The following RPS3A variants were observed in gnomAD, a reference collection of about 807,000 sequenced individuals.
RPS3A encodes the protein small ribosomal subunit protein eS1.
In RPS3A, 1 loss-of-function variant was observed where a neutral mutation model predicts 26.4. That is an observed-to-expected ratio of 0.04 (90% CI 0.01 to 0.18). RPS3A has a LOEUF of 0.18. RPS3A is among the 10% of genes least tolerant of loss of function. The pLI is 1.00. For missense variants in RPS3A, 139 were observed against 326.8 expected, an observed-to-expected ratio of 0.43 and a Z score of 4.43; for synonymous variants, 97 against 106.1, an observed-to-expected ratio of 0.91 and a Z score of 0.53.
intron 4 of RPS3A, 136 bp downstream of exon 4, chr4:151,103,215 G>C (rs1747209167): frequency 1.4e-6 from 2 of 1,389,660 alleles, no homozygotes; most frequent in Middle Eastern, 2.1e-4. Context: ...ATCTCTTTAA[G>C]TGAAAGAGTG....
At chr4:151,103,291 C>G in intron 4 of RPS3A, 1 of 999,188 alleles carries the variant, frequency 1.0e-6, no homozygotes, top group Non-Finnish European at 1.3e-6. Flanking sequence ...GCTCTGTTGC[C>G]CAGGCTCGAG....
chr4:151,102,439 C>T (rs1306675949), intron 3 of RPS3A, among the ~76,000 whole-genome samples: 1 of 148,974 alleles, frequency 6.7e-6, no homozygotes, highest in Non-Finnish European at 1.5e-5. Flanking sequence ...CACCTATTTA[C>T]AACACAGTTT....
chr4:151,103,301 G>A, intron 4 of RPS3A: 1 of 872,412 alleles, frequency 1.1e-6, no homozygotes, highest in South Asian at 1.9e-5. Flanking sequence ...CCAGGCTCGA[G>A]TGCAGTATTG....
chr4:151,104,125 A>ATCT (rs1427094553), intron 4 of RPS3A, 52 bp from the exon 5 acceptor site: 40 of 1,582,066 alleles, frequency 2.5e-5, no homozygotes, highest in Non-Finnish European at 3.3e-5. Context: ...GAAATGGCTT[A>ATCT]TATCTGAGAA....
Position 151,104,166 on chromosome 4 carries a change from C to T in RPS3A, c.564-11C>T. 2 of 1,598,312 alleles carry T rather than the reference C, an allele frequency of 1.3e-6. No individual in the cohort carries two copies. Among genetic ancestry groups the T allele is most frequent in the Non-Finnish European group, 1.7e-6 (2 of 1,176,162 alleles). ...ACTTTTAGAAAAAAATTTACTGTTACTGGTTTGCAGGATTCCAGACAGCAT... is the reference window on the plus strand; with the variant it reads ...ACTTTTAGAAAAAAATTTACTGTTATTGGTTTGCAGGATTCCAGACAGCAT... On this transcript the variant is annotated splice_polypyrimidine_tract_variant and intron_variant, in intron 4 of 5. Coordinates refer to ENST00000274065, the MANE Select transcript of RPS3A (RefSeq NM_001006.5).
At chr4:151,100,940 C>T in intron 2 of RPS3A, 35 bp from the exon 3 acceptor site, 2 of 1,500,562 alleles carry the variant, frequency 1.3e-6, no homozygotes, top group Non-Finnish European at 1.8e-6. Flanking sequence ...TATATGGTTC[C>T]TAAATGTTAA....
At chr4:151,101,489 A>G (rs994287186) in intron 3 of RPS3A, among the ~76,000 whole-genome samples, 2 of 152,042 alleles carry the variant, frequency 1.3e-5, no homozygotes, top group African/African-American at 2.4e-5. Flanking sequence ...ATGTTTTTTG[A>G]CCTCAGAATT....
rs1052845593 is a variant in RPS3A at position 151,100,719 on chromosome 4, C to T, written c.166+131C>T. The T allele has an allele frequency of 6.1e-6, 4 of 660,030 alleles. No individual in the cohort carries two copies. The African/African-American group carries it at 7.3e-5, about 12-fold the overall frequency. 40.9% of individuals were successfully genotyped at this position (660,030 alleles called of 1,614,324 possible). On this transcript the variant is annotated intron_variant, in intron 2 of 5. Coordinates refer to ENST00000274065, the MANE Select transcript of RPS3A (RefSeq NM_001006.5). ...TGTCAGCTCTTGGTTGCAGCCTTGG[C>T]ACCTGTGGTGATCATTTTTAGTACA...
At chr4:151,103,515 A>G (rs1005342729) in intron 4 of RPS3A, 10 of 1,029,636 alleles carry the variant, frequency 9.7e-6, no homozygotes, top group African/African-American at 5.2e-5. Context: ...ACTCTAAATG[A>G]TAACAGTTTT....
In RPS3A at chr4:151,101,314, C is replaced by T. The variant is rs113254261; in HGVS notation, c.354+152C>T. 3.1e-5 allele frequency: 15 copies of T among 491,008 alleles called. 1 individual carries two copies. The highest frequency in any genetic ancestry group is 1.9e-4 in the South Asian group (4 of 21,372). The allele number at this position is 491,008 out of a possible 1,614,324, so 30.4% of individuals were successfully genotyped here. A position where few individuals can be genotyped will look rare whatever the true frequency, so the allele number is the denominator to read the frequency against. On this transcript the variant is annotated intron_variant, in intron 3 of 5. Coordinates refer to ENST00000274065, the MANE Select transcript of RPS3A (RefSeq NM_001006.5). The stretch of plus-strand genomic sequence containing the variant: ...TCATTTTAAATTTTTGTTTTCTTGC[C>T]GTTGTTGAGTGCTAACTCTGGGGTT...
rs774674462 is a variant in RPS3A at position 151,102,856 on chromosome 4, A to C, written c.355-15A>C. 6 of 1,607,116 alleles carry C rather than the reference A, an allele frequency of 3.7e-6. No individual in the cohort carries two copies. The highest frequency in any genetic ancestry group is 5.1e-6 in the Non-Finnish European group (6 of 1,176,616). Reference sequence around the variant, plus strand: ...CGTAAAACCTGTTAAATCTGACGGTATCTTTTTTCTCCAGACAATGATTGA... The same window carrying C: ...CGTAAAACCTGTTAAATCTGACGGTCTCTTTTTTCTCCAGACAATGATTGA... On this transcript the variant is annotated splice_polypyrimidine_tract_variant and intron_variant, in intron 3 of 5. Transcript: ENST00000274065.
At chr4:151,099,983 C>T (rs1259465603) in intron 1 of RPS3A, 2 of 651,688 alleles carry the variant, frequency 3.1e-6, no homozygotes, top group Non-Finnish European at 5.7e-6. Context: ...TTTGTGGGCT[C>T]ACGAGCTGCC....
At chr4:151,104,358 A>G (rs1747268381) in intron 5 of RPS3A, 72 bp downstream of exon 5, 2 of 1,541,030 alleles carry the variant, frequency 1.3e-6, no homozygotes, top group East Asian at 2.3e-5. Flanking sequence ...GTGTGGGGCC[A>G]TATCATGGCC....
At chr4:151,103,918 G>C in intron 4 of RPS3A, 1 of 1,494,794 alleles carries the variant, frequency 6.7e-7, no homozygotes, top group Non-Finnish European at 9.0e-7. Flanking sequence ...TTAGCTAAGA[G>C]GGTGTAATGG....
Position 151,104,277 on chromosome 4 carries a change from AAGT to A in RPS3A, c.665_667del (p.Lys222_Phe223delinsIle). The A allele has an allele frequency of 1.2e-6, 2 of 1,612,792 alleles. No individual in the cohort carries two copies. The highest frequency in any genetic ancestry group is 4.5e-5 in the East Asian group (2 of 44,876). ...AAAAGTAAAAATGCTGAAGAAGCCCAAGTTTGAATGTAAGTGAGAAATCACATG... is the reference window on the plus strand; with the variant it reads ...AAAAGTAAAAATGCTGAAGAAGCCCATTGAATGTAAGTGAGAAATCACATG... On this transcript the variant is annotated inframe_deletion, in exon 5 of 6. Transcript: ENST00000274065.
intron 5 of RPS3A, 49 bp from the exon 6 acceptor site, chr4:151,104,422 AT>A: frequency 6.9e-7 from 1 of 1,445,428 alleles, no homozygotes; most frequent in Non-Finnish European, 9.1e-7. Flanking sequence ...ATTTCAAGAT[AT>A]ACTAACAGTT....
At chr4:151,101,271 G>T in intron 3 of RPS3A, 109 bp downstream of exon 3, 1 of 610,630 alleles carries the variant, frequency 1.6e-6, no homozygotes. Context: ...ATTGAGACCA[G>T]TGAAATGTCC....
intron 4 of RPS3A, 73 bp downstream of exon 4, chr4:151,103,152 A>T: frequency 6.5e-7 from 1 of 1,526,784 alleles, no homozygotes; most frequent in Admixed American, 2.0e-5. Flanking sequence ...GAGAACGCAT[A>T]TGAGACAAGG....
rs761632119 is a variant in RPS3A at position 151,102,888 on chromosome 4, C to T, written c.372C>T (p.His124=). The change falls in exon 4 of 6, where the codon CAC becomes CAT. Residue 124 remains histidine (H), a synonymous_variant. Transcript: ENST00000274065. ...VKKWQTMIEA[H]VDVKTTDGYL... ...TTCTCCAGACAATGATTGAAGCTCA[C>T]GTTGATGTCAAGACTACCGATGGTT... The T allele has an allele frequency of 9.3e-6, 15 of 1,610,798 alleles. No individual in the cohort carries two copies. Among genetic ancestry groups the T allele is most frequent in the African/African-American group, 2.7e-5 (2 of 74,852 alleles).
Sources: gnomAD v4.1 joint callset for allele counts (sites outside exome capture counted in the v4.1 genomes callset) on GRCh38, gnomAD v4.1.1 for gene constraint, MANE v1.5 for transcripts, NCBI Gene and HGNC (gene_info 2026-07-23, HGNC 2026-07-21) for gene names.